The following GJB7 variants were observed in gnomAD, a reference collection of about 807,000 sequenced individuals.
GJB7 encodes the protein gap junction beta-7 protein.
For synonymous variants in GJB7, 87 were observed against 95.2 expected (o/e 0.91, Z 0.50); for missense variants, 253 against 256.8 (o/e 0.99, Z 0.10).
chr6:87,284,961 T>A (rs1291973447), intron 2 of GJB7, 22 bp from the exon 3 acceptor site: 2 of 1,392,548 alleles, frequency 1.4e-6, no homozygotes, highest in Admixed American at 3.9e-5. Context: ...GACAATTTCA[T>A]CAGGATCCAT....
intron 2 of GJB7, among the ~76,000 whole-genome samples, chr6:87,305,695 C>T (rs1217266898): frequency 6.6e-5 from 10 of 152,098 alleles, no homozygotes; most frequent in Non-Finnish European, 1.3e-4. Flanking sequence ...TCATATGGAA[C>T]CAAAAAAGAG....
intron 2 of GJB7, chr6:87,299,323 A>C: frequency 2.1e-6 from 1 of 472,794 alleles, no homozygotes; most frequent in Non-Finnish European, 4.2e-6. Flanking sequence ...TGATGCAAAT[A>C]AATTTGGAAG....
intron 2 of GJB7, among the ~76,000 whole-genome samples, chr6:87,294,841 G>GT (rs1776226258): frequency 6.6e-6 from 1 of 152,116 alleles, no homozygotes; most frequent in Admixed American, 6.5e-5. Flanking sequence ...AGGTTTGTTT[G>GT]TTTTTTTCCC....
chr6:87,287,529 C>T (rs768155392), intron 2 of GJB7, among the ~76,000 whole-genome samples: 1 of 152,176 alleles, frequency 6.6e-6, no homozygotes, highest in African/African-American at 2.4e-5. Flanking sequence ...GGAATAAATA[C>T]TTCAATGTCC....
rs565770428 is a variant in GJB7, at chr6:87,306,326, T to C, written c.-28+16540A>G. ...AATCTACAATGAACTCCAACAAATT[T>C]ATAAGAAAAAAAACAACCCCATCAA... On this transcript the variant is annotated intron_variant, in intron 2 of 2. Coordinates refer to ENST00000525899, the MANE Select transcript of GJB7 (RefSeq NM_198568.3). Among the ~76,000 whole-genome samples the C allele has an allele frequency of 1.8e-4, 27 of 151,236 alleles. 1 individual carries two copies. In the East Asian group the frequency reaches 5.2e-3, roughly 29 times the overall value.
At chr6:87,319,698 CA>C in intron 2 of GJB7, among the ~76,000 whole-genome samples, 1 of 152,154 alleles carries the variant, frequency 6.6e-6, no homozygotes, top group Non-Finnish European at 1.5e-5. Flanking sequence ...GAAAGGAAAT[CA>C]ACACATCAAA....
At chr6:87,323,595 GA>G (rs1364222023) in intron 1 of GJB7, among the ~76,000 whole-genome samples, 5 of 152,148 alleles carry the variant, frequency 3.3e-5, no homozygotes, top group South Asian at 2.1e-4. Flanking sequence ...CCCTACAAAG[GA>G]CATGAACTCA....
At chr6:87,284,991 C>A in intron 2 of GJB7, 52 bp from the exon 3 acceptor site, 5 of 1,143,992 alleles carry the variant, frequency 4.4e-6, no homozygotes, top group South Asian at 1.5e-5. Context: ...TTCTACAGAT[C>A]GTTTCTACTA....
chr6:87,298,696 T>C (rs1343069922), intron 2 of GJB7: 1 of 181,442 alleles, frequency 5.5e-6, no homozygotes. Context: ...ATCAAAACCA[T>C]GGAAATGGGC....
At chr6:87,315,958 AG>A (rs1776579142) in intron 2 of GJB7, among the ~76,000 whole-genome samples, 1 of 152,180 alleles carries the variant, frequency 6.6e-6, no homozygotes, top group Non-Finnish European at 1.5e-5. Flanking sequence ...TTTGAACTTG[AG>A]TTAGTTTCAG....
At chr6:87,302,298 G>T (rs900525763) in intron 2 of GJB7, among the ~76,000 whole-genome samples, 4 of 152,100 alleles carry the variant, frequency 2.6e-5, no homozygotes, top group African/African-American at 9.7e-5. Context: ...TAGATGAATG[G>T]CTAACTAGAA....
At chr6:87,326,401 T>C (rs1776822446) in intron 1 of GJB7, among the ~76,000 whole-genome samples, 1 of 152,214 alleles carries the variant, frequency 6.6e-6, no homozygotes, top group Non-Finnish European at 1.5e-5. Context: ...CTTGTGGGCA[T>C]TTAGGGCTAT....
chr6:87,313,156 C>T (rs781119331), intron 2 of GJB7, among the ~76,000 whole-genome samples: 3 of 152,256 alleles, frequency 2.0e-5, no homozygotes, highest in Non-Finnish European at 2.9e-5. Context: ...TGTGTGTCAT[C>T]TATTGTATAA....
At chr6:87,293,462 GT>G (rs567613574) in intron 2 of GJB7, among the ~76,000 whole-genome samples, 3 of 146,562 alleles carry the variant, frequency 2.0e-5, no homozygotes, top group Non-Finnish European at 3.0e-5. Flanking sequence ...TTTTGTTTTT[GT>G]TTTTTTTTTA....
At chr6:87,319,284 C>T (rs1009329325) in intron 2 of GJB7, among the ~76,000 whole-genome samples, 6 of 152,200 alleles carry the variant, frequency 3.9e-5, no homozygotes, top group Non-Finnish European at 8.8e-5. Context: ...TGACTAAACA[C>T]GTCCTATCAT....
intron 1 of GJB7, among the ~76,000 whole-genome samples, chr6:87,326,448 G>A (rs2127916656): frequency 6.6e-6 from 1 of 152,276 alleles, no homozygotes; most frequent in Admixed American, 6.5e-5. Flanking sequence ...ATGCATCCCA[G>A]AGATTCTGGT....
chr6:87,295,624 C>A (rs567768959), intron 2 of GJB7, among the ~76,000 whole-genome samples: 157 of 152,220 alleles, frequency 1.0e-3, no homozygotes, highest in Non-Finnish European at 1.8e-3. Context: ...GAGTTTTCAA[C>A]CTTTTTCAAA....
intron 2 of GJB7, among the ~76,000 whole-genome samples, chr6:87,312,411 C>T (rs827433): frequency 0.52 from 79,365 of 151,248 alleles, 21,461 homozygotes; most frequent in Non-Finnish European, 0.6. Flanking sequence ...ACTCAGGAGG[C>T]TGAGGCAAAG....
chr6:87,292,541 T>C (rs1016809017), intron 2 of GJB7, among the ~76,000 whole-genome samples: 3 of 152,162 alleles, frequency 2.0e-5, no homozygotes, highest in African/African-American at 7.2e-5. Flanking sequence ...AAATCATTGA[T>C]AACAGACATT....
Sources: gnomAD v4.1 joint callset for allele counts (sites outside exome capture counted in the v4.1 genomes callset) on GRCh38, gnomAD v4.1.1 for gene constraint, MANE v1.5 for transcripts, NCBI Gene and HGNC (gene_info 2026-07-23, HGNC 2026-07-21) for gene names.